TIPIN: variants seen among roughly 807,000 people sequenced by gnomAD.
The protein encoded by TIPIN is TIMELESS interacting protein.
In TIPIN, 29 loss-of-function variants were observed where a neutral mutation model predicts 35.6. The observed-to-expected ratio is 0.82, with a 90% CI of 0.61 to 1.11. The LOEUF is 1.11. Ranked by LOEUF, TIPIN falls within the 50% of genes most tolerant of loss-of-function variation. The pLI is 0.00. For missense variants in TIPIN, 296 were observed against 345.4 expected, an observed-to-expected ratio of 0.86 and a Z score of 1.13; for synonymous variants, 102 against 121.5, an observed-to-expected ratio of 0.84 and a Z score of 1.06.
At chr15:66,383,133 A>G (rs1231153281) in intron 1 of TIPIN, 2 of 315,778 alleles carry the variant, frequency 6.3e-6, no homozygotes. Context: ...TTTTACACAG[A>G]GTGGAAGTGA....
At chr15:66,384,930 A>C (rs765260051) in intron 1 of TIPIN, among the ~76,000 whole-genome samples, 1 of 152,026 alleles carries the variant, frequency 6.6e-6, no homozygotes, top group Non-Finnish European at 1.5e-5. Context: ...AAACAAAACA[A>C]AACAAAAACA....
chr15:66,371,516 T>TTA, intron 1 of TIPIN: 3 of 464,300 alleles, frequency 6.5e-6, no homozygotes, highest in Non-Finnish European at 8.3e-6. Context: ...TGGTAATTGT[T>TTA]TCTTTTTTTT....
At chr15:66,379,930 C>T (rs576442661) in intron 1 of TIPIN, 30 of 1,254,944 alleles carry the variant, frequency 2.4e-5, no homozygotes, top group East Asian at 1.4e-4. Context: ...GCAGTACACA[C>T]GGCAAAGGAC....
At chr15:66,368,354 T>C (rs997599856) in intron 1 of TIPIN, among the ~76,000 whole-genome samples, 3 of 136,718 alleles carry the variant, frequency 2.2e-5, no homozygotes, top group African/African-American at 8.1e-5. Flanking sequence ...ACCTCATCTT[T>C]ACAAAAAAAA....
intron 1 of TIPIN, among the ~76,000 whole-genome samples, chr15:66,356,355 C>G (rs1389556297): frequency 2.0e-5 from 3 of 152,136 alleles, no homozygotes; most frequent in Admixed American, 2.0e-4. Flanking sequence ...TGACACGCCC[C>G]GGACAGAAGC....
rs144176134 is a variant in TIPIN, at chr15:66,368,483, C to G, written c.-8-15528G>C. On this transcript the variant is annotated intron_variant, in intron 1 of 7. Transcript: ENST00000562124. ...GTTACAGGCTGTAGTGAGCCATGAT[C>G]GTGCTACTGTTCTTCAGCCTGGGTG... 2.9e-3 allele frequency among the ~76,000 whole-genome samples: 446 copies of G among 152,100 alleles called. 2 individuals carry two copies. The highest frequency in any genetic ancestry group is 0.01 in the African/African-American group (431 of 41,496).
intron 1 of TIPIN, among the ~76,000 whole-genome samples, chr15:66,384,521 T>C (rs1241150743): frequency 2.0e-5 from 3 of 151,972 alleles, no homozygotes; most frequent in Non-Finnish European, 4.4e-5. Context: ...CTTGAAGTCC[T>C]GACCTCAAGT....
At chr15:66,349,547 A>G (rs2093152843) in intron 4 of TIPIN, 110 bp from the exon 5 acceptor site, 4 of 1,400,384 alleles carry the variant, frequency 2.9e-6, no homozygotes, top group Admixed American at 4.8e-5. Flanking sequence ...GTCATTTTAT[A>G]TTTATAAGGT....
intron 4 of TIPIN, 82 bp from the exon 5 acceptor site, chr15:66,349,519 T>A: frequency 6.6e-7 from 1 of 1,521,244 alleles, no homozygotes; most frequent in South Asian, 1.3e-5. Context: ...ACTGAAAAGC[T>A]ATGCCAAAAT....
At chr15:66,376,694 G>A (rs1170529007) in intron 1 of TIPIN, among the ~76,000 whole-genome samples, 5 of 151,792 alleles carry the variant, frequency 3.3e-5, no homozygotes, top group Non-Finnish European at 5.9e-5. Flanking sequence ...CTCCCAAAGT[G>A]CTGGGATTAC....
At chr15:66,383,061 C>T in intron 1 of TIPIN, 1 of 865,574 alleles carries the variant, frequency 1.2e-6, no homozygotes, top group South Asian at 5.3e-5. Flanking sequence ...AGGGTTTACT[C>T]AGTGGAGGCC....
chr15:66,379,868 G>C, intron 1 of TIPIN: 1 of 1,591,410 alleles, frequency 6.3e-7, no homozygotes, highest in Non-Finnish European at 8.5e-7. Context: ...GAGTAATGTT[G>C]ACATTTTCTG....
At chr15:66,353,615 CAAAA>C (rs761338015) in intron 1 of TIPIN, among the ~76,000 whole-genome samples, 1 of 99,902 alleles carries the variant, frequency 1.0e-5, no homozygotes. Flanking sequence ...CACTCTGTCT[CAAAA>C]AAAAAAAAAA....
At chr15:66,345,999 T>C (rs912314295) in intron 6 of TIPIN, among the ~76,000 whole-genome samples, 1 of 151,352 alleles carries the variant, frequency 6.6e-6, no homozygotes, top group Non-Finnish European at 1.5e-5. Context: ...CAGGCTGGAG[T>C]GTAATGGCGC....
intron 4 of TIPIN, 144 bp from the exon 5 acceptor site, chr15:66,349,581 T>C (rs1391488191): frequency 1.8e-6 from 2 of 1,102,710 alleles, no homozygotes; most frequent in Non-Finnish European, 2.5e-6. Flanking sequence ...AAAGGAACTT[T>C]AATAAGAAAA....
At chr15:66,367,425 C>T (rs1359940893) in intron 1 of TIPIN, among the ~76,000 whole-genome samples, 3 of 150,970 alleles carry the variant, frequency 2.0e-5, no homozygotes, top group Admixed American at 6.6e-5. Context: ...GATGGAGTCT[C>T]GCTGTGTCAC....
At chr15:66,356,071 C>CAGAAGAGTG (rs2093202380) in intron 1 of TIPIN, among the ~76,000 whole-genome samples, 1 of 152,130 alleles carries the variant, frequency 6.6e-6, no homozygotes, top group Admixed American at 6.6e-5. Flanking sequence ...CTCCAACTCC[C>CAGAAGAGTG]AGAAGAGTGA....
intron 1 of TIPIN, chr15:66,371,518 C>CA: frequency 3.1e-6 from 1 of 321,514 alleles, no homozygotes; most frequent in Non-Finnish European, 4.4e-6. Context: ...GTAATTGTTT[C>CA]TTTTTTTTTT....
intron 1 of TIPIN, among the ~76,000 whole-genome samples, chr15:66,368,116 G>A (rs2093264555): frequency 6.6e-6 from 1 of 152,140 alleles, no homozygotes; most frequent in Non-Finnish European, 1.5e-5. Context: ...GCAGGCGTGA[G>A]ACCCTACGCC....
Sources: gnomAD v4.1 joint callset for allele counts (sites outside exome capture counted in the v4.1 genomes callset) on GRCh38, gnomAD v4.1.1 for gene constraint, MANE v1.5 for transcripts, NCBI Gene and HGNC (gene_info 2026-07-23, HGNC 2026-07-21) for gene names.